PTCHD1: variants seen among roughly 807,000 people sequenced by gnomAD.
The protein encoded by PTCHD1 is patched domain-containing protein 1.
PTCHD1 carries 3 observed loss-of-function variants against 34.6 expected under a neutral mutation model. The ratio of observed to expected loss-of-function variants is 0.09; its 90% confidence interval spans 0.04 to 0.22. The LOEUF is 0.22. PTCHD1 is among the 10% of genes least tolerant of loss of function. The pLI is 1.00. For missense variants in PTCHD1, 504 were observed against 685.5 expected, an observed-to-expected ratio of 0.74 and a Z score of 2.96; for synonymous variants, 305 against 283.1, an observed-to-expected ratio of 1.08 and a Z score of -0.77.
At chrX:23,381,301 G>T (rs1377513493) in intron 2 of PTCHD1, among the ~76,000 whole-genome samples, 2 of 112,354 alleles carry the variant, frequency 1.8e-5, no homozygotes, top group Non-Finnish European at 3.8e-5. Flanking sequence ...ATCTGTTATC[G>T]AAAATGGCAT....
Position 23,395,398 on chromosome X carries a change from G to A in PTCHD1, c.*1213G>A, listed in dbSNP as rs1922963186. Reference sequence around the variant, plus strand: ...TTGTAAAAGTGCAGGGAGATAAAGGGCCAAAAGGGAGATAGATGGAAAACA... The same window carrying A: ...TTGTAAAAGTGCAGGGAGATAAAGGACCAAAAGGGAGATAGATGGAAAACA... On this transcript the variant is annotated 3_prime_UTR_variant, in exon 3 of 3. Coordinates refer to ENST00000379361, the MANE Select transcript of PTCHD1 (RefSeq NM_173495.3). The A allele has an allele frequency of 8.9e-6, 1 of 111,774 alleles. No individual in the cohort carries two copies. The highest frequency in any genetic ancestry group is 1.9e-5 in the Non-Finnish European group (1 of 53,181). 9.2% of individuals were successfully genotyped at this position (111,774 alleles called of 1,213,427 possible). A position where few individuals can be genotyped will look rare whatever the true frequency, so the allele number is the denominator to read the frequency against.
intron 2 of PTCHD1, among the ~76,000 whole-genome samples, chrX:23,388,902 G>C (rs1321185932): frequency 8.9e-6 from 1 of 111,825 alleles, no homozygotes; most frequent in Non-Finnish European, 1.9e-5. Context: ...GGAAAGTGGA[G>C]AGGAACAGAA....
intron 1 of PTCHD1, among the ~76,000 whole-genome samples, chrX:23,370,385 AC>A (rs1372324207): frequency 8.9e-6 from 1 of 112,066 alleles, no homozygotes; most frequent in African/African-American, 3.2e-5. Context: ...TCATAGTTTG[AC>A]CTTTTGCCCT....
chrX:23,395,591 C>G lies in PTCHD1; in HGVS notation c.*1406C>G. 9.0e-6 allele frequency: 1 copy of G among 111,674 alleles called. No individual in the cohort carries two copies. Among genetic ancestry groups the G allele is most frequent in the Middle Eastern group, 4.6e-3 (1 of 216 alleles). The allele number at this position is 111,674 out of a possible 1,213,427, so 9.2% of individuals were successfully genotyped here. On this transcript the variant is annotated 3_prime_UTR_variant, in exon 3 of 3. Transcript: ENST00000379361. ...ATTAACAAGCCTAGATATTTATACT[C>G]TTGACTTCCAGTATCTACAGAAGAA... is the stretch of plus-strand genomic sequence containing the variant.
At chrX:23,362,969 CAGCAAATATTGCAGAAG>C (rs1407827392) in intron 1 of PTCHD1, among the ~76,000 whole-genome samples, 2 of 112,391 alleles carry the variant, frequency 1.8e-5, no homozygotes, top group Non-Finnish European at 3.8e-5. Flanking sequence ...GGCTGCAGAA[CAGCAAATATTGCAGAAG>C]AGCAAATATT....
At chrX:23,389,912 C>T (rs750553354) in intron 2 of PTCHD1, among the ~76,000 whole-genome samples, 29 of 112,155 alleles carry the variant, frequency 2.6e-4, no homozygotes, top group African/African-American at 7.8e-4. Context: ...CAGCCTACTT[C>T]CACCTTTCCT....
chrX:23,346,409 G>A (rs1009759224), intron 1 of PTCHD1, among the ~76,000 whole-genome samples: 1 of 111,459 alleles, frequency 9.0e-6, no homozygotes, highest in Non-Finnish European at 1.9e-5. Flanking sequence ...GATGGGGTCA[G>A]TGGATACAAC....
intron 2 of PTCHD1, among the ~76,000 whole-genome samples, chrX:23,381,351 A>T (rs1227986521): frequency 8.9e-6 from 1 of 112,601 alleles, no homozygotes; most frequent in African/African-American, 3.2e-5. Flanking sequence ...CGGGCCAAGG[A>T]TTCAAGAGGT....
At chrX:23,386,926 G>A (rs1003393420) in intron 2 of PTCHD1, among the ~76,000 whole-genome samples, 1 of 112,425 alleles carries the variant, frequency 8.9e-6, no homozygotes, top group African/African-American at 3.2e-5. Flanking sequence ...GAGGAACTCA[G>A]GATGAGGAAA....
chrX:23,364,371 G>GACACACACACACACACACAC (rs200572986), intron 1 of PTCHD1, among the ~76,000 whole-genome samples: 1 of 91,989 alleles, frequency 1.1e-5, no homozygotes, highest in Non-Finnish European at 2.1e-5. Context: ...GAAGAGTGTA[G>GACACACACACACACACACAC]ACACACACAC....
intron 2 of PTCHD1, among the ~76,000 whole-genome samples, chrX:23,387,566 A>C (rs752048398): frequency 8.9e-6 from 1 of 112,135 alleles, no homozygotes; most frequent in African/African-American, 3.2e-5. Context: ...CCCAAAGTGT[A>C]CTGCAAATAA....
chrX:23,377,576 G>A (rs1569139415), intron 1 of PTCHD1, among the ~76,000 whole-genome samples: 2 of 30,406 alleles, frequency 6.6e-5, no homozygotes. Context: ...CCTCCTAGGG[G>A]TGTGTGTGTG....
At position 23,397,860 on chromosome X, in the gene PTCHD1, CA is replaced by C. The variant is rs1302792602; in HGVS notation, c.*3678del. 1 of 111,505 alleles carries C rather than the reference CA, an allele frequency of 9.0e-6. No homozygotes were observed. Among genetic ancestry groups the C allele is most frequent in the Non-Finnish European group, 1.9e-5 (1 of 53,111 alleles). 9.2% of individuals were successfully genotyped at this position (111,505 alleles called of 1,213,427 possible). On this transcript the variant is annotated 3_prime_UTR_variant, in exon 3 of 3. Coordinates refer to ENST00000379361, the MANE Select transcript of PTCHD1 (RefSeq NM_173495.3). ...GGCAAGAGGCAGAACCTCTTGGACA[CA>C]AATGTTATCTTCCTCATAATGGCTT...
chrX:23,381,912 C>T (rs1469175692), intron 2 of PTCHD1, among the ~76,000 whole-genome samples: 2 of 111,861 alleles, frequency 1.8e-5, no homozygotes, highest in African/African-American at 3.2e-5. Flanking sequence ...TAGTAGCTTC[C>T]ACAGAGGCTT....
At chrX:23,352,336 C>G (rs977386218) in intron 1 of PTCHD1, among the ~76,000 whole-genome samples, 2 of 111,709 alleles carry the variant, frequency 1.8e-5, no homozygotes, top group Non-Finnish European at 3.8e-5. Flanking sequence ...AGGCTAGGTC[C>G]TAATGTGGAA....
chrX:23,389,970 C>T (rs1922787574), intron 2 of PTCHD1, among the ~76,000 whole-genome samples: 2 of 111,894 alleles, frequency 1.8e-5, no homozygotes, highest in African/African-American at 6.5e-5. Context: ...AGTCTTGTCA[C>T]CTAATATCTC....
Position 23,397,909 on chromosome X carries a change from G to A in PTCHD1, c.*3724G>A, listed in dbSNP as rs1446452841. 2 of 111,698 alleles carry A rather than the reference G, an allele frequency of 1.8e-5. No homozygotes were observed. The highest frequency in any genetic ancestry group is 6.5e-5 in the African/African-American group (2 of 30,688). 9.2% of individuals were successfully genotyped at this position (111,698 alleles called of 1,213,427 possible). A position where few individuals can be genotyped will look rare whatever the true frequency, so the allele number is the denominator to read the frequency against. On this transcript the variant is annotated 3_prime_UTR_variant, in exon 3 of 3. Coordinates refer to ENST00000379361, the MANE Select transcript of PTCHD1 (RefSeq NM_173495.3). The stretch of plus-strand genomic sequence containing the variant: ...CTTTATTCTTTTGGATCCTATTAAA[G>A]TACCCCTGTAGCTTATAGTAGTGTT...
At position 23,396,670 on chromosome X, in the gene PTCHD1, T is replaced by C. The variant is rs1446727326; in HGVS notation, c.*2485T>C. The stretch of plus-strand genomic sequence containing the variant: ...GACAGATAATAGTTTTCCAACTTGA[T>C]TGAGTCTCTGTATACCCTGGGATAT... On this transcript the variant is annotated 3_prime_UTR_variant, in exon 3 of 3. Transcript: ENST00000379361. The C allele has an allele frequency of 8.9e-6, 1 of 112,125 alleles. No homozygotes were observed. The highest frequency in any genetic ancestry group is 1.9e-5 in the Non-Finnish European group (1 of 53,171). 9.2% of individuals were successfully genotyped at this position (112,125 alleles called of 1,213,427 possible). A position where few individuals can be genotyped will look rare whatever the true frequency, so the allele number is the denominator to read the frequency against.
chrX:23,377,516 C>T (rs1601913478), intron 1 of PTCHD1, among the ~76,000 whole-genome samples: 1 of 110,711 alleles, frequency 9.0e-6, no homozygotes, highest in East Asian at 2.8e-4. Context: ...CACCATTAAT[C>T]CCAAAGCATC....
Sources: gnomAD v4.1 joint callset for allele counts (sites outside exome capture counted in the v4.1 genomes callset) on GRCh38, gnomAD v4.1.1 for gene constraint, MANE v1.5 for transcripts, NCBI Gene and HGNC (gene_info 2026-07-23, HGNC 2026-07-21) for gene names.